The following LIMCH1 variants were observed in gnomAD, a reference collection of about 807,000 sequenced individuals.
LIMCH1 encodes LIM and calponin homology domains-containing protein 1.
Under a neutral mutation model 176.5 loss-of-function variants are expected in LIMCH1, and 113 were observed. That is an observed-to-expected ratio of 0.64 (90% CI 0.55 to 0.75). The LOEUF (loss-of-function observed/expected upper bound fraction) is 0.75. Ranked by LOEUF, LIMCH1 falls within the 30% of genes least tolerant of loss-of-function variation. The probability of loss-of-function intolerance (pLI) is 0.00; values close to 1 mark genes in which losing one functional copy is unlikely to be tolerated. For synonymous variants in LIMCH1, 619 were observed against 645.9 expected, an observed-to-expected ratio of 0.96 and a Z score of 0.63; for missense variants, 1,674 against 1,814.9, an observed-to-expected ratio of 0.92 and a Z score of 1.41.
At chr4:41,569,649 A>G (rs2083256437) in intron 1 of LIMCH1, among the ~76,000 whole-genome samples, 1 of 152,172 alleles carries the variant, frequency 6.6e-6, no homozygotes, top group Non-Finnish European at 1.5e-5. Flanking sequence ...TCCAAATACT[A>G]TAGTAAATAT....
In LIMCH1 at chr4:41,452,846, C is replaced by A. The variant is rs1386772628; in HGVS notation, c.97-41690C>A. ...TTTTAATATTCACCATGTCTTATAT[C>A]TAAATGTGTACTTTTCTGTTGCCCT... On this transcript the variant is annotated intron_variant, in intron 1 of 26. Transcript: ENST00000313860. Among the ~76,000 whole-genome samples, 3 of 152,180 alleles carry A rather than the reference C, an allele frequency of 2.0e-5. No individual in the cohort carries two copies. In the East Asian group the frequency reaches 5.8e-4, roughly 29 times the overall value.
chr4:41,408,516 G>A (rs2059191416), intron 1 of LIMCH1, among the ~76,000 whole-genome samples: 1 of 152,156 alleles, frequency 6.6e-6, no homozygotes, highest in Admixed American at 6.5e-5. Context: ...CTCACAGTTG[G>A]AGCCTCTCTG....
At chr4:41,426,322 G>A (rs1255070149) in intron 1 of LIMCH1, among the ~76,000 whole-genome samples, 1 of 152,162 alleles carries the variant, frequency 6.6e-6, no homozygotes, top group Non-Finnish European at 1.5e-5. Flanking sequence ...CGCCCGGCCC[G>A]TGAAAAGATT....
intron 1 of LIMCH1, among the ~76,000 whole-genome samples, chr4:41,372,738 T>G (rs967010486): frequency 9.9e-5 from 15 of 152,200 alleles, no homozygotes; most frequent in Non-Finnish European, 1.3e-4. Flanking sequence ...CCATTTTTCT[T>G]TGAGATTTTG....
chr4:41,673,930 C>T (rs1201035721), intron 22 of LIMCH1, among the ~76,000 whole-genome samples: 2 of 152,154 alleles, frequency 1.3e-5, no homozygotes, highest in African/African-American at 4.8e-5. Flanking sequence ...ATATATTGGT[C>T]ACTTTTCCAC....
At chr4:41,636,349 T>A (rs1269093762) in intron 13 of LIMCH1, among the ~76,000 whole-genome samples, 4 of 150,092 alleles carry the variant, frequency 2.7e-5, no homozygotes, top group African/African-American at 7.3e-5. Context: ...ACTTTTTTTT[T>A]TTTTTTTTTT....
At chr4:41,443,743 A>G (rs934083897) in intron 1 of LIMCH1, among the ~76,000 whole-genome samples, 3 of 152,240 alleles carry the variant, frequency 2.0e-5, no homozygotes, top group Admixed American at 6.5e-5. Flanking sequence ...TCAGTTAACC[A>G]AGGGAGCAGC....
At chr4:41,437,693 A>G (rs1418026338) in intron 1 of LIMCH1, among the ~76,000 whole-genome samples, 2 of 152,252 alleles carry the variant, frequency 1.3e-5, no homozygotes, top group Non-Finnish European at 2.9e-5. Flanking sequence ...GGAGGGCCCT[A>G]TGCCTGCTAG....
intron 21 of LIMCH1, 113 bp from the exon 22 acceptor site, chr4:41,671,441 A>C (rs1185508065): frequency 4.0e-5 from 22 of 553,872 alleles, no homozygotes; most frequent in Non-Finnish European, 4.5e-5. Flanking sequence ...CACACACACA[A>C]AATTGGTTTA....
rs780442480 is a variant in LIMCH1 at position 41,629,747 on chromosome 4, TC to T, written c.1271+20del. ...CAGAAAAGGCGAGGTGTGTCATGTT[TC>T]CCCCCCAGTTTCCCCCTGGCAGTCA... On this transcript the variant is annotated intron_variant, in intron 9 of 31. Transcript: ENST00000503057. The T allele has an allele frequency of 1.7e-5, 26 of 1,526,494 alleles. No homozygotes were observed. The highest frequency in any genetic ancestry group is 4.9e-5 in the East Asian group (2 of 40,678). The allele number at this position is 1,526,494 out of a possible 1,614,324, so 94.6% of individuals were successfully genotyped here.
chr4:41,387,335 G>A (rs2056630578), intron 1 of LIMCH1, among the ~76,000 whole-genome samples: 1 of 152,100 alleles, frequency 6.6e-6, no homozygotes, highest in Non-Finnish European at 1.5e-5. Context: ...TGTAAATGGG[G>A]CTCATATGCT....
chr4:41,373,995 A>T (rs961434921), intron 1 of LIMCH1, among the ~76,000 whole-genome samples: 15 of 152,096 alleles, frequency 9.9e-5, no homozygotes, highest in Non-Finnish European at 7.3e-5. Context: ...TTCTGCCATG[A>T]TTGTAAGTTT....
At chr4:41,451,192 C>G (rs1031931925) in intron 1 of LIMCH1, among the ~76,000 whole-genome samples, 1 of 152,006 alleles carries the variant, frequency 6.6e-6, no homozygotes, top group Non-Finnish European at 1.5e-5. Flanking sequence ...CTTGGCTCAC[C>G]GCAACCTCCG....
chr4:41,450,639 A>G (rs544971506), intron 1 of LIMCH1, among the ~76,000 whole-genome samples: 3 of 151,786 alleles, frequency 2.0e-5, no homozygotes, highest in African/African-American at 4.8e-5. Flanking sequence ...TACTGAAAAT[A>G]CAAAAATTAG....
At chr4:41,597,534 A>G (rs2089125110) in intron 1 of LIMCH1, among the ~76,000 whole-genome samples, 1 of 152,156 alleles carries the variant, frequency 6.6e-6, no homozygotes, top group African/African-American at 2.4e-5. Context: ...GACATGGTGT[A>G]ACTGGATTTT....
chr4:41,547,870 T>C lies in LIMCH1; in HGVS notation c.-241+9520T>C, dbSNP rs566986986. On this transcript the variant is annotated intron_variant, in intron 1 of 31. Coordinates refer to ENST00000503057, the MANE Select transcript of LIMCH1 (RefSeq NM_001330672.2). ...TATATAATTTGTGTGTGTGTATATA[T>C]ATATATATATATATATATATATATA... Among the ~76,000 whole-genome samples, 62 of 124,858 alleles carry C rather than the reference T, an allele frequency of 5.0e-4. No homozygotes were observed. The East Asian group carries it at 0.012, about 23-fold the overall frequency. 81.9% of individuals were successfully genotyped at this position (124,858 alleles called of 152,430 possible). A position where few individuals can be genotyped will look rare whatever the true frequency, so the allele number is the denominator to read the frequency against.
At chr4:41,555,742 GTTATT>G (rs753689387) in intron 1 of LIMCH1, among the ~76,000 whole-genome samples, 1 of 151,980 alleles carries the variant, frequency 6.6e-6, no homozygotes, top group Non-Finnish European at 1.5e-5. Flanking sequence ...ACTGTAGAGT[GTTATT>G]TTATTTTATT....
chr4:41,446,144 C>G (rs2063265793), intron 1 of LIMCH1, among the ~76,000 whole-genome samples: 2 of 152,118 alleles, frequency 1.3e-5, no homozygotes, highest in African/African-American at 4.8e-5. Flanking sequence ...TGATTGTCAA[C>G]TGCAGGTTCA....
intron 1 of LIMCH1, among the ~76,000 whole-genome samples, chr4:41,392,271 A>G (rs2057337265): frequency 6.6e-6 from 1 of 152,218 alleles, no homozygotes; most frequent in Admixed American, 6.5e-5. Context: ...GTAAAATAGT[A>G]TTAAGTGCTA....
Sources: allele counts gnomAD v4.1 joint callset (sites outside exome capture counted in the v4.1 genomes callset), GRCh38; gene constraint gnomAD v4.1.1; transcripts MANE v1.5; gene names NCBI Gene and HGNC (gene_info 2026-07-23, HGNC 2026-07-21).